MUC5AC: variants seen among roughly 807,000 people sequenced by gnomAD.
MUC5AC encodes mucin 5AC, oligomeric mucus/gel-forming, also known as mucin-5AC.
In MUC5AC, 158 loss-of-function variants were observed where a neutral mutation model predicts 169.7. The ratio of observed to expected loss-of-function variants is 0.93; its 90% CI spans 0.82 to 1.06. The LOEUF (loss-of-function observed/expected upper bound fraction) is 1.06, where lower values mean the gene tolerates loss of function less well. Ranked by LOEUF, MUC5AC falls within the 50% of genes least tolerant of loss-of-function variation. The pLI is 0.00. For synonymous variants in MUC5AC, 1,975 were observed against 1,237.0 expected (o/e 1.60, Z -12.52); for missense variants, 4,359 against 3,089.9 (o/e 1.41, Z -9.74).
intron 25 of MUC5AC, 40 bp downstream of exon 25, chr11:1,178,723 T>C: frequency 9.0e-7 from 1 of 1,105,802 alleles, no homozygotes; most frequent in Non-Finnish European, 1.2e-6. Flanking sequence ...CCCAAGGGGG[T>C]CATGGTGACC....
In MUC5AC at chr11:1,161,910, C is replaced by G. The variant is rs1343764504; in HGVS notation, c.215C>G (p.Ser72Cys). 6.2e-7 allele frequency: 1 copy of G among 1,611,324 alleles called. No individual in the cohort carries two copies. ...CACCATGCTGCTTCCACCGCAGCCT[C>G]CAACCCGGCGCACAACGGGCGGGTG... ...SLRTIPVVRA[S>C]NPAHNGRVCS... Residue 72 changes from serine to cysteine, a missense_variant, in exon 4 of 49, where the codon TCC becomes TGC. Ser to Cys is a moderately radical substitution (Grantham distance 112). Coordinates refer to ENST00000621226, the MANE Select transcript of MUC5AC (RefSeq NM_001304359.2).
In MUC5AC at chr11:1,189,747, A is replaced by G; in HGVS notation, c.11602A>G (p.Thr3868Ala). ...TACAAGCAGCACAACCTCTGCTCCT[A>G]CAGCCAGCACAATCTCTGCCCCTAC... ...APTSSTTSAP[T>A]ASTISAPTTS... is the part of the protein sequence containing the mutation. The change falls in exon 31 of 49, where the codon ACA (threonine) becomes GCA (alanine). Residue 3868 changes from threonine to alanine, a missense_variant. Physicochemically the swap from Thr to Ala is moderately conservative, Grantham distance 58. Coordinates refer to ENST00000621226, the MANE Select transcript of MUC5AC (RefSeq NM_001304359.2). 2 of 661,952 alleles carry G rather than the reference A, an allele frequency of 3.0e-6. No homozygotes were observed. The highest frequency in any genetic ancestry group is 5.5e-6 in the Non-Finnish European group (2 of 363,194). 41.0% of individuals were successfully genotyped at this position (661,952 alleles called of 1,614,324 possible). A position where few individuals can be genotyped will look rare whatever the true frequency, so the allele number is the denominator to read the frequency against.
chr11:1,169,419 C>T (rs796154764), intron 15 of MUC5AC, among the ~76,000 whole-genome samples: 2 of 103,610 alleles, frequency 1.9e-5, no homozygotes, highest in Middle Eastern at 4.1e-3. Flanking sequence ...CTCACCCATT[C>T]GCCCACTCAC....
Position 1,190,016 on chromosome 11 carries a change from C to T in MUC5AC, c.11871C>T (p.Cys3957=). The T allele has an allele frequency of 2.6e-6, 2 of 765,042 alleles. No homozygotes were observed. Among genetic ancestry groups the T allele is most frequent in the Non-Finnish European group, 4.8e-6 (2 of 417,886 alleles). 47.4% of individuals were successfully genotyped at this position (765,042 alleles called of 1,614,324 possible). ...TCACCAGAGACTGTCATCCCCGGTGCACCTGGACCAAGTGGTTTGACGTGG... is the reference window on the plus strand; with the variant it reads ...TCACCAGAGACTGTCATCCCCGGTGTACCTGGACCAAGTGGTTTGACGTGG... ...QPVTRDCHPR[C]TWTKWFDVDF... The change falls in exon 31 of 49, where the codon TGC becomes TGT. Residue 3957 remains cysteine, a synonymous_variant. Coordinates refer to ENST00000621226, the MANE Select transcript of MUC5AC (RefSeq NM_001304359.2).
At position 1,200,622 on chromosome 11, in the gene MUC5AC, G is replaced by A. The variant is rs1132442; in HGVS notation, c.16885G>A (p.Glu5629Lys). 1.3e-6 allele frequency: 1 copy of A among 764,282 alleles called. No individual in the cohort carries two copies. The highest frequency in any genetic ancestry group is 2.4e-6 in the Non-Finnish European group (1 of 417,370). The allele number at this position is 764,282 out of a possible 1,614,324, so 47.3% of individuals were successfully genotyped here. ...TGCGCCGGGCGACACCCAGCACTCG[G>A]AGGAGGCGGAACCCGAGCCCAGCCA... ...CPAPGDTQHS[E>K]EAEPEPSQEA... Residue 5629 changes from glutamate (E) to lysine (K), a missense_variant, in exon 49 of 49, where the codon GAG (glutamate) becomes AAG (lysine). By Grantham distance (56) the Glu-to-Lys change is moderately conservative. Coordinates refer to ENST00000621226, the MANE Select transcript of MUC5AC (RefSeq NM_001304359.2).
rs751345691 is a variant in MUC5AC, at chr11:1,165,651, A to G, written c.1277A>G (p.Gln426Arg). 2 of 1,612,294 alleles carry G rather than the reference A, an allele frequency of 1.2e-6. No homozygotes were observed. Among genetic ancestry groups the G allele is most frequent in the African/African-American group, 2.7e-5 (2 of 74,934 alleles). ...CTCSGGRWSC[Q>R]EVPCPGTCSV... ...TGCTCCGGAGGCCGGTGGAGCTGCC[A>G]GGAGGTTCCATGCCCGGGTACCTGC... Residue 426 changes from glutamine (Q) to arginine (R), a missense_variant, in exon 11 of 49, where the codon CAG becomes CGG. Transcript: ENST00000621226.
intron 3 of MUC5AC, 101 bp from the exon 4 acceptor site, chr11:1,161,806 T>A: frequency 6.7e-7 from 1 of 1,485,490 alleles, no homozygotes; most frequent in East Asian, 2.4e-5. Flanking sequence ...CAGCACTTCC[T>A]GCAGGACCCT....
intron 48 of MUC5AC, among the ~76,000 whole-genome samples, 173 bp downstream of exon 48, chr11:1,200,142 A>T (rs984760398): frequency 6.6e-6 from 1 of 152,142 alleles, no homozygotes; most frequent in Non-Finnish European, 1.5e-5. Context: ...GGCTGGGGTA[A>T]CTACATCCCC....
intron 48 of MUC5AC, 32 bp downstream of exon 48, chr11:1,200,001 G>A (rs766371902): frequency 6.9e-6 from 5 of 725,532 alleles, no homozygotes; most frequent in East Asian, 2.5e-5. Flanking sequence ...AGGGAGACGC[G>A]ATTGGCTGTG....
At chr11:1,169,814 CCACTCACCCATTCACCCACT>C (rs1860445619) in intron 15 of MUC5AC, among the ~76,000 whole-genome samples, 1 of 145,380 alleles carries the variant, frequency 6.9e-6, no homozygotes, top group Non-Finnish European at 1.5e-5. Flanking sequence ...ACTCACTCAC[CCACTCACCCATTCACCCACT>C]CACTCACCCA....
In MUC5AC at chr11:1,164,121, C is replaced by T. The variant is rs767746814; in HGVS notation, c.805C>T (p.Leu269Phe). Reference sequence around the variant, plus strand: ...TTTGTCCTAGGGCATCTGTGAGGAGCTCCTGCACGGCCAGCTGTTCTCTGG... The same window carrying T: ...TTTGTCCTAGGGCATCTGTGAGGAGTTCCTGCACGGCCAGCTGTTCTCTGG... The part of the protein sequence containing the change: ...CSTGFGICEE[L>F]LHGQLFSGCV... Residue 269 changes from leucine to phenylalanine, a missense_variant, in exon 8 of 49, where the codon CTC becomes TTC. Coordinates refer to ENST00000621226, the MANE Select transcript of MUC5AC (RefSeq NM_001304359.2). The T allele has an allele frequency of 6.2e-6, 10 of 1,612,064 alleles. No individual in the cohort carries two copies. In the African/African-American group the frequency reaches 1.1e-4, roughly 17 times the overall value.
chr11:1,196,549 C>T, intron 38 of MUC5AC, 68 bp from the exon 39 acceptor site: 5 of 763,918 alleles, frequency 6.5e-6, no homozygotes, highest in Non-Finnish European at 9.6e-6. Context: ...CTGCATCTCC[C>T]ACTCCCAGGC....
chr11:1,198,286 T>A lies in MUC5AC; in HGVS notation c.16154T>A (p.Ile5385Asn). 1.3e-6 allele frequency: 1 copy of A among 754,910 alleles called. No homozygotes were observed. The highest frequency in any genetic ancestry group is 2.3e-4 in the Middle Eastern group (1 of 4,430). The allele number at this position is 754,910 out of a possible 1,614,324, so 46.8% of individuals were successfully genotyped here. A position where few individuals can be genotyped will look rare whatever the true frequency, so the allele number is the denominator to read the frequency against. The change falls in exon 43 of 49, where the codon ATC (isoleucine) becomes AAC (asparagine). Residue 5385 changes from isoleucine to asparagine, a missense_variant. Transcript: ENST00000621226. The stretch of plus-strand genomic sequence containing the variant: ...TGGGCAGGCTGGACAGTGTGCAGCA[T>A]CAACGGGACCCTGTACCAGGTAAGA... The part of the protein sequence containing the change: ...VQNCSWTVCS[I>N]NGTLYQPGAV...
chr11:1,164,416 G>GC lies in MUC5AC; in HGVS notation c.1017dup (p.Asn340GlnfsTer26). The GC allele has an allele frequency of 6.2e-7, 1 of 1,612,346 alleles. No homozygotes were observed. The highest frequency in any genetic ancestry group is 8.5e-7 in the Non-Finnish European group (1 of 1,179,728). On this transcript the variant is annotated frameshift_variant, in exon 9 of 49. Coordinates refer to ENST00000621226, the MANE Select transcript of MUC5AC (RefSeq NM_001304359.2). LOFTEE classifies it high-confidence loss of function. ...TCTCTGCCTCCCGCAGCCCAGAAGT[G>GC]CCCCAACAACATGCAGTACCACGAG...
In MUC5AC at chr11:1,193,641, C is replaced by T; in HGVS notation, c.14737C>T (p.His4913Tyr). 1 of 764,992 alleles carries T rather than the reference C, an allele frequency of 1.3e-6. No individual in the cohort carries two copies. Among genetic ancestry groups the T allele is most frequent in the South Asian group, 1.3e-5 (1 of 74,622 alleles). 47.4% of individuals were successfully genotyped at this position (764,992 alleles called of 1,614,324 possible). A position where few individuals can be genotyped will look rare whatever the true frequency, so the allele number is the denominator to read the frequency against. The change falls in exon 33 of 49, where the codon CAT (histidine) becomes TAT (tyrosine). Residue 4913 changes from histidine (H) to tyrosine (Y), a missense_variant. Physicochemically the swap from His to Tyr is moderately conservative, Grantham distance 83. Coordinates refer to ENST00000621226, the MANE Select transcript of MUC5AC (RefSeq NM_001304359.2). ...GGTGGCTGACCAAGATGGCTGCTGCCATCACTACCAGTGCCAGTGTGAGTG... is the reference window on the plus strand; with the variant it reads ...GGTGGCTGACCAAGATGGCTGCTGCTATCACTACCAGTGCCAGTGTGAGTG... ...VKVADQDGCC[H>Y]HYQCQCVCSG...
In MUC5AC at chr11:1,192,202, T is replaced by C. The variant is rs1399832564; in HGVS notation, c.14057T>C (p.Ile4686Thr). 3.9e-6 allele frequency: 3 copies of C among 764,898 alleles called. No individual in the cohort carries two copies. The highest frequency in any genetic ancestry group is 1.7e-5 in the Admixed American group (1 of 59,004). The allele number at this position is 764,898 out of a possible 1,614,324, so 47.4% of individuals were successfully genotyped here. Residue 4686 changes from isoleucine to threonine, a missense_variant, in exon 31 of 49, where the codon ATT becomes ACT. Coordinates refer to ENST00000621226, the MANE Select transcript of MUC5AC (RefSeq NM_001304359.2). ...GCCGAGAGCCACCCGGAGGTGAACATTGAACACCTGGGTCAGGTGGTGCAG... is the reference window on the plus strand; with the variant it reads ...GCCGAGAGCCACCCGGAGGTGAACACTGAACACCTGGGTCAGGTGGTGCAG... ...CRAESHPEVN[I>T]EHLGQVVQCS...
At chr11:1,197,435 G>A in intron 40 of MUC5AC, 33 bp from the exon 41 acceptor site, 1 of 699,816 alleles carries the variant, frequency 1.4e-6, no homozygotes, top group Non-Finnish European at 2.6e-6. Flanking sequence ...TGGAGCCGCT[G>A]CGGACGCTGG....
chr11:1,165,358 T>C lies in MUC5AC; in HGVS notation c.1186T>C (p.Cys396Arg), dbSNP rs1297175431. The change falls in exon 10 of 49, where the codon TGC becomes CGC. Residue 396 changes from cysteine (C) to arginine (R), a missense_variant. By Grantham distance (180) the Cys-to-Arg change is radical. Transcript: ENST00000621226. ...TGCVPVSKCA[C>R]VYNGAAYAPG... ...CTGTGTCCCTGTGTCAAAGTGTGCC[T>C]GCGTCTACAACGGGGCTGCCTATGC... The C allele has an allele frequency of 6.2e-7, 1 of 1,612,468 alleles. No individual in the cohort carries two copies. The highest frequency in any genetic ancestry group is 1.3e-5 in the African/African-American group (1 of 75,054).
At chr11:1,197,340 G>T (rs1190383660) in intron 40 of MUC5AC, 128 bp from the exon 41 acceptor site, 4 of 628,770 alleles carry the variant, frequency 6.4e-6, no homozygotes, top group African/African-American at 1.8e-5. Context: ...CCCTACTCCT[G>T]CTGGGTCCTC....
Sources: allele counts gnomAD v4.1 joint callset (sites outside exome capture counted in the v4.1 genomes callset), GRCh38; gene constraint gnomAD v4.1.1; transcripts MANE v1.5; gene names NCBI Gene and HGNC (gene_info 2026-07-23, HGNC 2026-07-21).